Variants in TNS3 observed in about 807,000 individuals in gnomAD.
The protein encoded by TNS3 is tensin-3.
In TNS3, 45 loss-of-function variants were observed where a neutral mutation model predicts 140.9. The observed-to-expected ratio is 0.32, with a 90% CI of 0.25 to 0.41. The LOEUF (loss-of-function observed/expected upper bound fraction) is 0.41, where lower values mean the gene tolerates loss of function less well. Ranked by LOEUF, TNS3 falls within the 10% of genes least tolerant of loss-of-function variation. The pLI, the probability that TNS3 is intolerant of heterozygous loss-of-function variation, is 1.00. For synonymous variants in TNS3, 815 were observed against 788.4 expected, an observed-to-expected ratio of 1.03 and a Z score of -0.56; for missense variants, 1,716 against 1,906.7, an observed-to-expected ratio of 0.90 and a Z score of 1.86.
At chr7:47,465,599 A>G (rs954958070) in intron 4 of TNS3, among the ~76,000 whole-genome samples, 2 of 152,140 alleles carry the variant, frequency 1.3e-5, no homozygotes, top group African/African-American at 4.8e-5. Flanking sequence ...TAGATATCAC[A>G]TCACTTCATC....
At chr7:47,403,765 A>C (rs562980240) in intron 13 of TNS3, among the ~76,000 whole-genome samples, 8 of 152,186 alleles carry the variant, frequency 5.3e-5, no homozygotes, top group African/African-American at 1.7e-4. Context: ...GACAAAATCC[A>C]CTCACCAACC....
chr7:47,509,488 C>T (rs1400119639), intron 2 of TNS3, among the ~76,000 whole-genome samples: 1 of 152,168 alleles, frequency 6.6e-6, no homozygotes, highest in Non-Finnish European at 1.5e-5. Flanking sequence ...GCACTTGCTC[C>T]TCGTAAGCAC....
rs900180649 is a variant in TNS3 at position 47,364,031 on chromosome 7, G to A, written c.2281+4334C>T. On this transcript the variant is annotated intron_variant, in intron 17 of 30. Coordinates refer to ENST00000311160, the MANE Select transcript of TNS3 (RefSeq NM_022748.12). Reference sequence around the variant, plus strand: ...CCAGCAGCATCCCCAACCTTCTGACGATGTCCCAGGGACTCGGAACTAGCT... The same window carrying A: ...CCAGCAGCATCCCCAACCTTCTGACAATGTCCCAGGGACTCGGAACTAGCT... 2.0e-5 allele frequency among the ~76,000 whole-genome samples: 3 copies of A among 152,056 alleles called. 1 individual carries two copies. Among genetic ancestry groups the A allele is most frequent in the East Asian group, 3.9e-4 (2 of 5,186 alleles).
chr7:47,552,862 T>C (rs1263942158), intron 1 of TNS3, among the ~76,000 whole-genome samples: 1 of 152,236 alleles, frequency 6.6e-6, no homozygotes, highest in Middle Eastern at 3.2e-3. Flanking sequence ...AGGCCTCTCA[T>C]GCCAAACAGT....
intron 16 of TNS3, among the ~76,000 whole-genome samples, chr7:47,379,080 A>G (rs1287350983): frequency 6.6e-6 from 1 of 152,224 alleles, no homozygotes; most frequent in East Asian, 1.9e-4. Flanking sequence ...GGCCCAGAGC[A>G]CAAGGCAGGG....
chr7:47,485,949 G>T (rs1415074718), intron 3 of TNS3, among the ~76,000 whole-genome samples: 1 of 151,716 alleles, frequency 6.6e-6, no homozygotes, highest in Non-Finnish European at 1.5e-5. Context: ...TGTGTGTGTG[G>T]ATGAGTGTGA....
At chr7:47,328,626 G>GC (rs1279175246) in intron 20 of TNS3, among the ~76,000 whole-genome samples, 3 of 151,634 alleles carry the variant, frequency 2.0e-5, no homozygotes, top group Non-Finnish European at 4.4e-5. Flanking sequence ...TCAGTCCTCT[G>GC]CCCCCCACCC....
intron 1 of TNS3, among the ~76,000 whole-genome samples, chr7:47,537,120 C>G (rs1225748222): frequency 6.6e-6 from 1 of 151,892 alleles, no homozygotes. Context: ...CTGCCCCTGC[C>G]GCCCGCGGGG....
At chr7:47,580,961 G>T (rs1381749340) in intron 1 of TNS3, among the ~76,000 whole-genome samples, 1 of 152,178 alleles carries the variant, frequency 6.6e-6, no homozygotes, top group Non-Finnish European at 1.5e-5. Context: ...AGATCAAAGT[G>T]TGTGAATGCG....
intron 1 of TNS3, among the ~76,000 whole-genome samples, chr7:47,558,563 G>C (rs1419863736): frequency 6.6e-6 from 1 of 152,102 alleles, no homozygotes; most frequent in Non-Finnish European, 1.5e-5. Context: ...TAAGGACTTG[G>C]GGTTCAGGCC....
At position 47,368,817 on chromosome 7, in the gene TNS3, C is replaced by G. The variant is rs367556254; in HGVS notation, c.1829G>C (p.Arg610Pro). The G allele has an allele frequency of 9.9e-6, 16 of 1,611,658 alleles. No individual in the cohort carries two copies. In the African/African-American group the frequency reaches 1.2e-4, roughly 12 times the overall value. Residue 610 changes from arginine to proline, a missense_variant, in exon 17 of 31, where the codon CGG (arginine) becomes CCG (proline). Transcript: ENST00000311160. Reference sequence around the variant, plus strand: ...GTCTGCAGGGCAGCGGCTCACCAGCCGGGCCTCCCCATCTGGGGCGAAGCT... The same window carrying G: ...GTCTGCAGGGCAGCGGCTCACCAGCGGGGCCTCCCCATCTGGGGCGAAGCT... ...QYSFAPDGEA[R>P]LVSRCPADNP...
At chr7:47,566,380 C>T (rs1800428984) in intron 1 of TNS3, among the ~76,000 whole-genome samples, 1 of 152,182 alleles carries the variant, frequency 6.6e-6, no homozygotes, top group South Asian at 2.1e-4. Flanking sequence ...CTTACAGAGT[C>T]AGGGTTTGAG....
intron 13 of TNS3, among the ~76,000 whole-genome samples, chr7:47,410,399 A>G (rs1265770024): frequency 6.6e-6 from 1 of 152,310 alleles, no homozygotes; most frequent in East Asian, 1.9e-4. Context: ...TGCTTACTCA[A>G]TGCCTTGAAA....
intron 27 of TNS3, among the ~76,000 whole-genome samples, chr7:47,284,975 CTATTGGCAGGTG>C (rs1442201211): frequency 2.6e-5 from 4 of 152,210 alleles, no homozygotes; most frequent in Non-Finnish European, 4.4e-5. Context: ...AGGGCCATGC[CTATTGGCAGGTG>C]TGTTGGCAGG....
chr7:47,413,906 C>G, intron 12 of TNS3, 31 bp downstream of exon 12: 1 of 1,612,242 alleles, frequency 6.2e-7, no homozygotes, highest in Non-Finnish European at 8.5e-7. Flanking sequence ...CCAGGTCCCA[C>G]AACAGCAGCA....
intron 12 of TNS3, among the ~76,000 whole-genome samples, 160 bp downstream of exon 12, chr7:47,413,777 A>G (rs1793919687): frequency 6.6e-6 from 1 of 151,970 alleles, no homozygotes; most frequent in African/African-American, 2.4e-5. Context: ...AGCACGGGCC[A>G]CGAGAGGATT....
At chr7:47,433,849 C>G (rs1010325990) in intron 8 of TNS3, among the ~76,000 whole-genome samples, 1 of 151,302 alleles carries the variant, frequency 6.6e-6, no homozygotes, top group African/African-American at 2.4e-5. Flanking sequence ...TTTTAATTAA[C>G]AAGAATTATA....
chr7:47,327,886 A>C (rs1788112034), intron 20 of TNS3, among the ~76,000 whole-genome samples: 1 of 152,126 alleles, frequency 6.6e-6, no homozygotes, highest in South Asian at 2.1e-4. Context: ...CAGCAAGGGC[A>C]ACTGGATCCG....
chr7:47,478,862 T>C (rs1797302614), intron 4 of TNS3, among the ~76,000 whole-genome samples: 1 of 152,048 alleles, frequency 6.6e-6, no homozygotes, highest in Admixed American at 6.6e-5. Flanking sequence ...AACATGCATG[T>C]CTATCCATAT....
Sources: gnomAD v4.1 joint callset for allele counts (sites outside exome capture counted in the v4.1 genomes callset) on GRCh38, gnomAD v4.1.1 for gene constraint, MANE v1.5 for transcripts, NCBI Gene and HGNC (gene_info 2026-07-23, HGNC 2026-07-21) for gene names.